XKR4: variants seen among roughly 807,000 people sequenced by gnomAD.
XKR4 encodes XK related 4.
A neutral mutation model predicts 53.9 loss-of-function variants in XKR4; 12 were observed. The observed-to-expected ratio is 0.22, with a 90% CI of 0.14 to 0.36. The LOEUF is 0.36. Among genes scored for constraint, XKR4 ranks in the 10% least tolerant of loss-of-function variants. The pLI, the probability that XKR4 is intolerant of heterozygous loss-of-function variation, is 1.00. For missense variants in XKR4, 799 were observed against 859.5 expected, an observed-to-expected ratio of 0.93 and a Z score of 0.88; for synonymous variants, 354 against 362.4, an observed-to-expected ratio of 0.98 and a Z score of 0.26.
In XKR4 at chr8:55,102,249, C is replaced by T. The variant is rs1036344732; in HGVS notation, c.-240C>T. 4 of 304,874 alleles carry T rather than the reference C, an allele frequency of 1.3e-5. No individual in the cohort carries two copies. Among genetic ancestry groups the T allele is most frequent in the African/African-American group, 9.2e-5 (4 of 43,392 alleles). 18.9% of individuals were successfully genotyped at this position (304,874 alleles called of 1,614,324 possible). On this transcript the variant is annotated 5_prime_UTR_variant, in exon 1 of 3. Coordinates refer to ENST00000327381, the MANE Select transcript of XKR4 (RefSeq NM_052898.2). This position sits in a 1 kb window ranked among gnomAD's most constrained non-coding sequence, Gnocchi z 5.1. ...GCGGGGCGCCGCGAGCAGCTTGGCT[C>T]CGCGCAGGCAGCCAGGCGGCGCTCC...
chr8:55,223,211 C>T (rs774595677), intron 1 of XKR4, among the ~76,000 whole-genome samples: 1 of 152,158 alleles, frequency 6.6e-6, no homozygotes, highest in African/African-American at 2.4e-5. Context: ...AAATTATAGC[C>T]CGGGTCTGAT....
rs372636201 is a variant in XKR4 at position 55,523,634 on chromosome 8, C to A, written c.1360C>A (p.Arg454Ser). 6.2e-7 allele frequency: 1 copy of A among 1,614,014 alleles called. No individual in the cohort carries two copies. The highest frequency in any genetic ancestry group is 8.5e-7 in the Non-Finnish European group (1 of 1,180,022). The change falls in exon 3 of 3, where the codon CGC (arginine) becomes AGC (serine). Residue 454 changes from arginine to serine, a missense_variant. Transcript: ENST00000327381. ...SWFNVKEGRTRCRLFIYYFVI... is the reference protein window; with the variant it reads ...SWFNVKEGRTSCRLFIYYFVI... ...GTTCAATGTCAAGGAAGGCAGGACA[C>A]GCTGCAGGCTATTCATTTACTATTT...
intron 2 of XKR4, among the ~76,000 whole-genome samples, chr8:55,512,464 G>T (rs1668172441): frequency 6.6e-6 from 1 of 152,172 alleles, no homozygotes; most frequent in Non-Finnish European, 1.5e-5. Context: ...TTTGGCCTGT[G>T]CCCATCTCTT....
intron 2 of XKR4, chr8:55,451,152 G>C: frequency 1.9e-6 from 1 of 524,694 alleles, no homozygotes; most frequent in South Asian, 2.1e-5. Context: ...CAGGAAGCCC[G>C]GGTCGGGGGC....
intron 2 of XKR4, among the ~76,000 whole-genome samples, chr8:55,365,457 C>A (rs930014941): frequency 2.0e-5 from 3 of 152,222 alleles, no homozygotes; most frequent in Non-Finnish European, 4.4e-5. Context: ...GTAATCCCAG[C>A]ACTTTGGGAG....
At chr8:55,320,827 A>G (rs1410051560) in intron 1 of XKR4, among the ~76,000 whole-genome samples, 1 of 152,132 alleles carries the variant, frequency 6.6e-6, no homozygotes, top group Non-Finnish European at 1.5e-5. Flanking sequence ...TAGAAACATC[A>G]GAAACTACGA....
At chr8:55,443,904 C>T (rs2129395234) in intron 2 of XKR4, among the ~76,000 whole-genome samples, 1 of 151,418 alleles carries the variant, frequency 6.6e-6, no homozygotes, top group East Asian at 1.9e-4. Flanking sequence ...GGCACAGGGG[C>T]TCACACCTGT....
intron 2 of XKR4, among the ~76,000 whole-genome samples, chr8:55,487,676 C>T (rs1018951038): frequency 7.9e-5 from 12 of 152,110 alleles, no homozygotes; most frequent in African/African-American, 2.9e-4. Flanking sequence ...ACCATGTTGG[C>T]CAGGCTGGTC....
chr8:55,311,489 G>A (rs111958923), intron 1 of XKR4, among the ~76,000 whole-genome samples: 55 of 152,314 alleles, frequency 3.6e-4, no homozygotes, highest in African/African-American at 1.2e-3. Context: ...TCAAAGGAGC[G>A]GGGCAGCTGG....
chr8:55,446,014 A>C (rs1805341286), intron 2 of XKR4, among the ~76,000 whole-genome samples: 2 of 152,228 alleles, frequency 1.3e-5, no homozygotes, highest in Admixed American at 1.3e-4. Flanking sequence ...TTCTGTCTGA[A>C]GGGCTGATTG....
Position 55,357,625 on chromosome 8 carries a change from A to G in XKR4, c.807-53A>G, listed in dbSNP as rs1285135333. 2.4e-5 allele frequency: 39 copies of G among 1,595,804 alleles called. 1 individual carries two copies. The South Asian group carries it at 4.0e-4, about 16-fold the overall frequency. ...AGAAAAGAACAACCCTGGAGTTTGAATTATAAACTATCATCACTCATCTCT... is the reference window on the plus strand; with the variant it reads ...AGAAAAGAACAACCCTGGAGTTTGAGTTATAAACTATCATCACTCATCTCT... On this transcript the variant is annotated intron_variant, in intron 1 of 2. Coordinates refer to ENST00000327381, the MANE Select transcript of XKR4 (RefSeq NM_052898.2).
intron 2 of XKR4, chr8:55,450,002 G>A (rs1454541925): frequency 1.8e-5 from 14 of 797,634 alleles, no homozygotes; most frequent in African/African-American, 1.0e-4. Flanking sequence ...AGCGAGCAGC[G>A]GTGGTGAGGT....
intron 1 of XKR4, among the ~76,000 whole-genome samples, chr8:55,189,218 T>C (rs538616812): frequency 8.5e-5 from 13 of 152,318 alleles, no homozygotes; most frequent in African/African-American, 3.1e-4. Context: ...CCTTGTTATA[T>C]AGTAAAAGAG....
intron 1 of XKR4, among the ~76,000 whole-genome samples, chr8:55,356,567 A>C (rs1373932385): frequency 1.5e-5 from 2 of 135,560 alleles, no homozygotes; most frequent in African/African-American, 5.9e-5. Context: ...ATGAACATTG[A>C]GTATTTGATA....
At chr8:55,210,755 G>T (rs1306050716) in intron 1 of XKR4, among the ~76,000 whole-genome samples, 1 of 152,156 alleles carries the variant, frequency 6.6e-6, no homozygotes, top group Non-Finnish European at 1.5e-5. Flanking sequence ...GCTACAGAGA[G>T]GGGTGGGTCC....
At chr8:55,410,923 C>A (rs746628357) in intron 2 of XKR4, among the ~76,000 whole-genome samples, 1 of 152,176 alleles carries the variant, frequency 6.6e-6, no homozygotes, top group African/African-American at 2.4e-5. Context: ...CCCCACCCTT[C>A]CCAAGACAGA....
chr8:55,516,833 C>A (rs555279202), intron 2 of XKR4, among the ~76,000 whole-genome samples: 1 of 152,178 alleles, frequency 6.6e-6, no homozygotes, highest in East Asian at 1.9e-4. Flanking sequence ...GTATGTTGAT[C>A]GTGGCACTAT....
At chr8:55,467,469 G>C (rs1043606763) in intron 2 of XKR4, among the ~76,000 whole-genome samples, 1 of 152,132 alleles carries the variant, frequency 6.6e-6, no homozygotes, top group Admixed American at 6.5e-5. Context: ...GGAGTGGATT[G>C]CACATGTGTG....
At chr8:55,197,672 T>C (rs989469447) in intron 1 of XKR4, among the ~76,000 whole-genome samples, 1 of 151,918 alleles carries the variant, frequency 6.6e-6, no homozygotes, top group African/African-American at 2.4e-5. Context: ...GCCTCCCAAG[T>C]AGCTGGGACT....
Sources: gnomAD v4.1 joint callset for allele counts (sites outside exome capture counted in the v4.1 genomes callset) on GRCh38, gnomAD v4.1.1 for gene constraint, Gnocchi (gnomAD v3.1) non-coding constraint, MANE v1.5 for transcripts, NCBI Gene and HGNC (gene_info 2026-07-23, HGNC 2026-07-21) for gene names.